Variants in NOL4 observed in about 807,000 individuals in gnomAD.
The protein encoded by NOL4 is cancer/testis antigen 125.
In NOL4, 17 loss-of-function variants were observed where a neutral mutation model predicts 75.9. That is an observed-to-expected ratio of 0.22 (90% CI 0.15 to 0.34). The LOEUF (loss-of-function observed/expected upper bound fraction) is 0.34. Among genes scored for constraint, NOL4 ranks in the 10% least tolerant of loss-of-function variants. The pLI, the probability that NOL4 is intolerant of heterozygous loss-of-function variation, is 1.00. For missense variants in NOL4, 614 were observed against 793.5 expected, an observed-to-expected ratio of 0.77 and a Z score of 2.72; for synonymous variants, 292 against 289.9, an observed-to-expected ratio of 1.01 and a Z score of -0.07.
intron 2 of NOL4, among the ~76,000 whole-genome samples, chr18:34,115,298 C>T (rs942253502): frequency 4.6e-5 from 7 of 152,118 alleles, no homozygotes; most frequent in African/African-American, 1.7e-4. Flanking sequence ...ATCGAAAGAA[C>T]TACCTTGGGC....
chr18:34,010,753 G>A (rs966140716), intron 6 of NOL4, among the ~76,000 whole-genome samples: 16 of 151,818 alleles, frequency 1.1e-4, no homozygotes, highest in East Asian at 3.9e-4. Flanking sequence ...CATTTTAACC[G>A]GGTGAGATCA....
chr18:34,067,010 G>T (rs114561212), intron 5 of NOL4, among the ~76,000 whole-genome samples: 2,706 of 151,954 alleles, frequency 0.018, 80 homozygotes, highest in African/African-American at 0.062. Flanking sequence ...ACAGAAAATA[G>T]AAAATATATT....
At chr18:33,954,195 G>T (rs964520193) in intron 8 of NOL4, among the ~76,000 whole-genome samples, 5 of 152,196 alleles carry the variant, frequency 3.3e-5, no homozygotes, top group Middle Eastern at 3.4e-3. Context: ...CAATGTAAAT[G>T]ACATGTAAAT....
intron 1 of NOL4, among the ~76,000 whole-genome samples, chr18:34,138,085 C>A (rs61393476): frequency 1.3e-5 from 2 of 151,896 alleles, no homozygotes; most frequent in African/African-American, 4.8e-5. Context: ...TGATTCAATT[C>A]ATATGAAATG....
chr18:33,948,220 G>A (rs1264191075), intron 8 of NOL4, among the ~76,000 whole-genome samples: 1 of 151,938 alleles, frequency 6.6e-6, no homozygotes, highest in East Asian at 1.9e-4. Flanking sequence ...ACCCAAGGTT[G>A]TAAGTAGAAT....
At chr18:33,916,023 G>A (rs1333809150) in intron 9 of NOL4, among the ~76,000 whole-genome samples, 1 of 152,162 alleles carries the variant, frequency 6.6e-6, no homozygotes, top group African/African-American at 2.4e-5. Context: ...AGCAGTGGGG[G>A]AGGTGTCTAA....
intron 1 of NOL4, among the ~76,000 whole-genome samples, chr18:34,214,183 G>T (rs1463794729): frequency 1.3e-5 from 2 of 152,082 alleles, no homozygotes; most frequent in African/African-American, 2.4e-5. Flanking sequence ...ATTAGAATAA[G>T]GTATTCAAAT....
intron 6 of NOL4, among the ~76,000 whole-genome samples, chr18:33,969,699 A>G (rs2070887061): frequency 6.6e-6 from 1 of 151,644 alleles, no homozygotes. Context: ...CTTCTTAATC[A>G]ATTTTGGACA....
intron 4 of NOL4, among the ~76,000 whole-genome samples, chr18:34,099,036 A>T (rs2145612419): frequency 6.6e-6 from 1 of 152,198 alleles, no homozygotes; most frequent in South Asian, 2.1e-4. Context: ...ACATGTTTTG[A>T]CATTTTTCAC....
At chr18:34,093,261 G>A (rs958578216) in intron 5 of NOL4, among the ~76,000 whole-genome samples, 1 of 152,122 alleles carries the variant, frequency 6.6e-6, no homozygotes, top group Non-Finnish European at 1.5e-5. Context: ...TTATAAATCA[G>A]TCTAACACCT....
intron 5 of NOL4, among the ~76,000 whole-genome samples, chr18:34,042,404 G>A (rs2076178971): frequency 6.6e-6 from 1 of 152,008 alleles, no homozygotes; most frequent in African/African-American, 2.4e-5. Flanking sequence ...ATATGTCCAT[G>A]ATTCCTATCC....
At chr18:33,887,990 G>A (rs906553545) in intron 9 of NOL4, among the ~76,000 whole-genome samples, 3 of 152,216 alleles carry the variant, frequency 2.0e-5, no homozygotes, top group East Asian at 3.9e-4. Context: ...CTGAGGAATC[G>A]CCACACTGTC....
intron 1 of NOL4, among the ~76,000 whole-genome samples, chr18:34,139,489 T>G (rs1044690611): frequency 1.4e-4 from 21 of 152,204 alleles, no homozygotes; most frequent in Non-Finnish European, 2.4e-4. Context: ...TATTCTCTGA[T>G]GGTAGTTTGT....
At chr18:34,087,521 T>A (rs1270735838) in intron 5 of NOL4, among the ~76,000 whole-genome samples, 1 of 152,112 alleles carries the variant, frequency 6.6e-6, no homozygotes, top group African/African-American at 2.4e-5. Flanking sequence ...TTTTAAAGCT[T>A]GAACCATCAG....
intron 5 of NOL4, among the ~76,000 whole-genome samples, chr18:34,027,088 CTA>C (rs1248170481): frequency 1.3e-5 from 2 of 152,162 alleles, no homozygotes; most frequent in African/African-American, 4.8e-5. Context: ...ATTCTTTTCT[CTA>C]TGTTATATTG....
intron 1 of NOL4, among the ~76,000 whole-genome samples, chr18:34,153,012 G>C (rs1222164932): frequency 6.6e-6 from 1 of 151,854 alleles, no homozygotes; most frequent in African/African-American, 2.4e-5. Context: ...TAAGAAGAAA[G>C]AGAAGCATGG....
At chr18:34,013,200 C>T (rs1024310753) in intron 6 of NOL4, among the ~76,000 whole-genome samples, 2 of 151,928 alleles carry the variant, frequency 1.3e-5, no homozygotes, top group Non-Finnish European at 2.9e-5. Context: ...ATCCTTTATC[C>T]TGTGGCTAAA....
At chr18:34,027,858 T>G (rs954173358) in intron 5 of NOL4, among the ~76,000 whole-genome samples, 1 of 152,200 alleles carries the variant, frequency 6.6e-6, no homozygotes. Flanking sequence ...AGAAGTAATG[T>G]CAGACTGATT....
chr18:34,219,238 C>T (rs573999425), intron 1 of NOL4, among the ~76,000 whole-genome samples: 1 of 152,150 alleles, frequency 6.6e-6, no homozygotes, highest in South Asian at 2.1e-4. Flanking sequence ...TAATTTAGAC[C>T]TTTGTGTCTG....
Sources: allele counts gnomAD v4.1 joint callset (sites outside exome capture counted in the v4.1 genomes callset), GRCh38; gene constraint gnomAD v4.1.1; transcripts MANE v1.5; gene names NCBI Gene and HGNC (gene_info 2026-07-23, HGNC 2026-07-21).